PHF24: variants seen among roughly 807,000 people sequenced by gnomAD.
PHF24 encodes the protein PHD finger protein 24.
In PHF24, 25 loss-of-function variants were observed where a neutral mutation model predicts 42.6. The ratio of observed to expected loss-of-function variants is 0.59; its 90% CI spans 0.43 to 0.82. The LOEUF (loss-of-function observed/expected upper bound fraction) is 0.82, where lower values mean the gene tolerates loss of function less well. Among genes scored for constraint, PHF24 ranks in the 40% least tolerant of loss-of-function variants. The pLI is 0.00. For missense variants in PHF24, 470 were observed against 538.1 expected (o/e 0.87, Z 1.25); for synonymous variants, 185 against 204.8 (o/e 0.90, Z 0.83).
At chr9:34,717,807 C>T in the PHF24 span, among the ~76,000 whole-genome samples, 1 of 152,130 alleles carries the variant, frequency 6.6e-6, no homozygotes, top group Admixed American at 6.5e-5. Context: ...GTCTTTGTGT[C>T]TGCATGTGTG....
chr9:34,980,836 C>T (rs1295263616), exon 8 of PHF24: 1 of 152,220 alleles, frequency 6.6e-6, no homozygotes, highest in Non-Finnish European at 1.5e-5. Flanking sequence ...CCAAGGAAGG[C>T]CTGGGTTATA....
At chr9:34,726,421 T>G in the PHF24 span, 2 of 1,541,724 alleles carry the variant, frequency 1.3e-6, no homozygotes, top group East Asian at 2.4e-5. Context: ...GCAAGGCCAT[T>G]GGATGCATCC....
chr9:34,723,080 A>C, the PHF24 span: 1 of 855,172 alleles, frequency 1.2e-6, no homozygotes, highest in Non-Finnish European at 1.8e-6. Context: ...GTGTATTTCT[A>C]GTGGCATCTG....
At chr9:34,730,460 G>T in the PHF24 span, among the ~76,000 whole-genome samples, 1 of 152,158 alleles carries the variant, frequency 6.6e-6, no homozygotes, top group Admixed American at 6.5e-5. Flanking sequence ...AAGAGGCTTT[G>T]GTCCTTCCTC....
At chr9:34,942,220 TC>T in the PHF24 span, among the ~76,000 whole-genome samples, 1 of 152,190 alleles carries the variant, frequency 6.6e-6, no homozygotes, top group Non-Finnish European at 1.5e-5. Context: ...CTTTTCCAGG[TC>T]CCATTGAAAG....
chr9:34,779,683 T>C, the PHF24 span, among the ~76,000 whole-genome samples: 4 of 152,174 alleles, frequency 2.6e-5, no homozygotes, highest in African/African-American at 9.6e-5. Context: ...TGGGAGAGAA[T>C]TGAGAGCCCA....
At chr9:34,906,717 C>T in the PHF24 span, among the ~76,000 whole-genome samples, 2 of 151,860 alleles carry the variant, frequency 1.3e-5, no homozygotes, top group African/African-American at 4.8e-5. Flanking sequence ...TTATTCCCCC[C>T]ACTCAAAGTG....
the PHF24 span, among the ~76,000 whole-genome samples, chr9:34,857,169 G>GCTAT: frequency 6.6e-6 from 1 of 152,200 alleles, no homozygotes; most frequent in African/African-American, 2.4e-5. Context: ...TCCATCTCAG[G>GCTAT]CTATCTCCAG....
chr9:34,927,452 G>T, the PHF24 span, among the ~76,000 whole-genome samples: 1 of 152,112 alleles, frequency 6.6e-6, no homozygotes, highest in Non-Finnish European at 1.5e-5. Context: ...GGGGGGAATG[G>T]GGAGTGCACA....
the PHF24 span, among the ~76,000 whole-genome samples, chr9:34,885,771 A>G: frequency 6.6e-6 from 1 of 151,906 alleles, no homozygotes; most frequent in East Asian, 1.9e-4. Context: ...CTGCTGGTAC[A>G]GTGTTCCAAG....
the PHF24 span, among the ~76,000 whole-genome samples, chr9:34,770,339 G>C: frequency 6.6e-6 from 1 of 152,240 alleles, no homozygotes; most frequent in East Asian, 1.9e-4. Flanking sequence ...TCTCACAGCA[G>C]ATTGACAAAA....
the PHF24 span, among the ~76,000 whole-genome samples, chr9:34,765,685 AT>A: frequency 6.7e-6 from 1 of 150,302 alleles, no homozygotes; most frequent in East Asian, 1.9e-4. Context: ...TAATTGGAGC[AT>A]TTAGCCCATT....
chr9:34,742,308 G>T, the PHF24 span, among the ~76,000 whole-genome samples: 1 of 152,336 alleles, frequency 6.6e-6, no homozygotes, highest in East Asian at 1.9e-4. Context: ...CAAGTTCAGA[G>T]GAGCAGAGCT....
the PHF24 span, among the ~76,000 whole-genome samples, chr9:34,704,985 T>G: frequency 6.6e-6 from 1 of 152,176 alleles, no homozygotes; most frequent in Non-Finnish European, 1.5e-5. Context: ...AAGTCAGGAT[T>G]CCAGGGATTA....
the PHF24 span, among the ~76,000 whole-genome samples, chr9:34,929,287 C>T: frequency 6.6e-6 from 1 of 152,154 alleles, no homozygotes; most frequent in African/African-American, 2.4e-5. Flanking sequence ...GATGGAATGG[C>T]AGCAGGGGAA....
At chr9:34,974,267 T>C (rs1827109184) in intron 3 of PHF24, among the ~76,000 whole-genome samples, 1 of 152,242 alleles carries the variant, frequency 6.6e-6, no homozygotes, top group African/African-American at 2.4e-5. Context: ...TGCAGAACTG[T>C]TGCTTCCTAA....
At chr9:34,962,382 G>A (rs553333181) in intron 1 of PHF24, among the ~76,000 whole-genome samples, 3 of 148,078 alleles carry the variant, frequency 2.0e-5, no homozygotes, top group Non-Finnish European at 4.5e-5. Flanking sequence ...CTTATCCACT[G>A]ATGTAACTCC....
chr9:34,746,244 G>C, the PHF24 span, among the ~76,000 whole-genome samples: 1 of 152,180 alleles, frequency 6.6e-6, no homozygotes, highest in Non-Finnish European at 1.5e-5. Flanking sequence ...CACAGGAATT[G>C]AATCTACTTT....
the PHF24 span, among the ~76,000 whole-genome samples, chr9:34,874,001 G>C: frequency 1.3e-5 from 2 of 152,162 alleles, no homozygotes; most frequent in African/African-American, 2.4e-5. Context: ...CTGTTTGTCT[G>C]TTACTGGTGT....
Sources: allele counts gnomAD v4.1 joint callset (sites outside exome capture counted in the v4.1 genomes callset), GRCh38; gene constraint gnomAD v4.1.1; transcripts MANE v1.5; gene names NCBI Gene and HGNC (gene_info 2026-07-23, HGNC 2026-07-21).